Variants in PPP2R2C observed in about 807,000 individuals in gnomAD.
PPP2R2C encodes protein phosphatase 2, regulatory subunit B, gamma.
A neutral mutation model predicts 45.3 loss-of-function variants in PPP2R2C; 10 were observed. The observed-to-expected ratio is 0.22, with a 90% CI of 0.14 to 0.37. PPP2R2C has a LOEUF of 0.37. PPP2R2C is among the 10% of genes least tolerant of loss of function. The probability of loss-of-function intolerance (pLI) is 1.00; values close to 1 mark genes in which losing one functional copy is unlikely to be tolerated. For missense variants in PPP2R2C, 308 were observed against 619.7 expected, an observed-to-expected ratio of 0.50 and a Z score of 5.34; for synonymous variants, 257 against 245.4, an observed-to-expected ratio of 1.05 and a Z score of -0.44.
chr4:6,360,652 G>C (rs1041859983), intron 5 of PPP2R2C, among the ~76,000 whole-genome samples: 4 of 152,204 alleles, frequency 2.6e-5, no homozygotes, highest in Non-Finnish European at 5.9e-5. Flanking sequence ...AGTTCATCTT[G>C]AAAAACTGCT....
chr4:6,388,771 G>A (rs112101722), intron 1 of PPP2R2C, among the ~76,000 whole-genome samples: 11 of 152,276 alleles, frequency 7.2e-5, no homozygotes, highest in African/African-American at 9.6e-5. Context: ...CCCTGGAGCC[G>A]TCAGAGGGAG....
intron 5 of PPP2R2C, among the ~76,000 whole-genome samples, chr4:6,357,427 G>C (rs370577064): frequency 1.2e-4 from 18 of 152,228 alleles, no homozygotes; most frequent in African/African-American, 4.1e-4. Context: ...GCCAGACGTA[G>C]GATTTCTATC....
intron 1 of PPP2R2C, chr4:6,381,793 C>T (rs151085259): frequency 6.5e-4 from 1,051 of 1,613,682 alleles, no homozygotes; most frequent in Non-Finnish European, 8.3e-4. Flanking sequence ...TCTTCAATGC[C>T]CAGGGCTGGC....
In PPP2R2C at chr4:6,394,330, C is replaced by T. The variant is rs56300494; in HGVS notation, c.71-13236G>A. Among the ~76,000 whole-genome samples, 973 of 152,276 alleles carry T rather than the reference C, an allele frequency of 6.4e-3. 12 individuals carry two copies. The highest frequency in any genetic ancestry group is 0.022 in the African/African-American group (911 of 41,550). The stretch of plus-strand genomic sequence containing the variant: ...TTCAAGGTTGATGGTGAAGATTCAA[C>T]GAGGCAACAAAGACAGAAGTGTCTG... On this transcript the variant is annotated intron_variant, in intron 1 of 8. Coordinates refer to ENST00000382599, the MANE Select transcript of PPP2R2C (RefSeq NM_020416.4).
At chr4:6,509,551 A>G (rs1315473841) in intron 2 of PPP2R2C, among the ~76,000 whole-genome samples, 1 of 152,196 alleles carries the variant, frequency 6.6e-6, no homozygotes, top group African/African-American at 2.4e-5. Flanking sequence ...AAATCTGCCC[A>G]GAAATCCAAC....
chr4:6,384,383 A>G (rs1464425084), intron 1 of PPP2R2C: 6 of 985,272 alleles, frequency 6.1e-6, no homozygotes, highest in Non-Finnish European at 7.2e-6. Flanking sequence ...GAATTCTCCA[A>G]AATGTGAACG....
chr4:6,454,650 A>T (rs556433390), intron 1 of PPP2R2C, among the ~76,000 whole-genome samples: 2 of 152,364 alleles, frequency 1.3e-5, no homozygotes, highest in African/African-American at 4.8e-5. Flanking sequence ...CCTGACTCAC[A>T]GAATCCAGGA....
intron 1 of PPP2R2C, among the ~76,000 whole-genome samples, chr4:6,422,342 C>T (rs987532185): frequency 2.6e-5 from 4 of 152,230 alleles, no homozygotes; most frequent in Non-Finnish European, 4.4e-5. Flanking sequence ...TCAGTGCCAA[C>T]GCCCGCCAGC....
chr4:6,373,763 G>A (rs1261916880), intron 4 of PPP2R2C, among the ~76,000 whole-genome samples: 3 of 152,228 alleles, frequency 2.0e-5, no homozygotes, highest in Non-Finnish European at 1.5e-5. Context: ...TGCAGCCCAC[G>A]TTAAATTTTC....
In PPP2R2C at chr4:6,394,645, G is replaced by T. The variant is rs541493168; in HGVS notation, c.71-13551C>A. On this transcript the variant is annotated intron_variant, in intron 1 of 8. Coordinates refer to ENST00000382599, the MANE Select transcript of PPP2R2C (RefSeq NM_020416.4). The stretch of plus-strand genomic sequence containing the variant: ...TGATGTGCTGTTCCCATCCCAGGAT[G>T]GGGGGCATGGAGGCCTGACACTGAT... Among the ~76,000 whole-genome samples the T allele has an allele frequency of 2.7e-5, 4 of 149,848 alleles. No homozygotes were observed. The South Asian group carries it at 8.4e-4, about 32-fold the overall frequency.
intron 1 of PPP2R2C, among the ~76,000 whole-genome samples, chr4:6,417,769 G>A (rs913433272): frequency 2.6e-5 from 4 of 152,338 alleles, no homozygotes; most frequent in East Asian, 1.9e-4. Context: ...CCTCGGCTGC[G>A]TGGGGGGCAT....
At chr4:6,477,391 T>C (rs1420814884), upstream of PPP2R2C, among the ~76,000 whole-genome samples, 1 of 152,180 alleles carries the variant, frequency 6.6e-6, no homozygotes, top group Non-Finnish European at 1.5e-5. Context: ...TCATTTTGAT[T>C]CTAGCCATTC....
intron 4 of PPP2R2C, among the ~76,000 whole-genome samples, chr4:6,373,642 T>C (rs1361177312): frequency 6.6e-6 from 1 of 152,136 alleles, no homozygotes; most frequent in African/African-American, 2.4e-5. Context: ...AGAGAATGAA[T>C]GAATGGGCTG....
intron 5 of PPP2R2C, chr4:6,350,114 T>C (rs1712403278): frequency 3.0e-6 from 3 of 985,356 alleles, no homozygotes; most frequent in Non-Finnish European, 3.6e-6. Flanking sequence ...GCCTGGCTGG[T>C]TTCCCAGGAA....
At chr4:6,554,935 GAAA>G (rs1560620322) in intron 1 of PPP2R2C, among the ~76,000 whole-genome samples, 21,766 of 80,296 alleles carry the variant, frequency 0.27, 2,096 homozygotes, top group Non-Finnish European at 0.33. Context: ...AGGAAGGAAA[GAAA>G]GAAAGAAAGA....
At chr4:6,349,828 T>G (rs1265508197) in intron 5 of PPP2R2C, 4 of 929,338 alleles carry the variant, frequency 4.3e-6, no homozygotes, top group Non-Finnish European at 5.1e-6. Context: ...GAGGTGGATG[T>G]TGCAGTTAGC....
In PPP2R2C at chr4:6,389,380, G is replaced by A. The variant is rs148403571; in HGVS notation, c.71-8286C>T. ...GATCCATCAGGGCTCAGGGCAGAGA[G>A]GGGGCCTTAGGCAAGCCCAGCTCGA... On this transcript the variant is annotated intron_variant, in intron 1 of 8. Transcript: ENST00000382599. Among the ~76,000 whole-genome samples, 91 of 152,332 alleles carry A rather than the reference G, an allele frequency of 6.0e-4. No homozygotes were observed. In the Middle Eastern group the frequency reaches 0.01, roughly 17 times the overall value.
intron 5 of PPP2R2C, among the ~76,000 whole-genome samples, chr4:6,354,825 C>A (rs1007731908): frequency 1.3e-5 from 2 of 152,104 alleles, no homozygotes; most frequent in Non-Finnish European, 2.9e-5. Context: ...GCCCACAGCC[C>A]CCCACAGCCA....
At chr4:6,347,758 AC>A in intron 6 of PPP2R2C, 87 bp downstream of exon 6, 1 of 1,437,406 alleles carries the variant, frequency 7.0e-7, no homozygotes, top group Non-Finnish European at 9.3e-7. Context: ...CACACCCACC[AC>A]CCCTGCAGCA....
Sources: gnomAD v4.1 joint callset for allele counts (sites outside exome capture counted in the v4.1 genomes callset) on GRCh38, gnomAD v4.1.1 for gene constraint, MANE v1.5 for transcripts, NCBI Gene and HGNC (gene_info 2026-07-23, HGNC 2026-07-21) for gene names.